The following TBC1D22A variants were observed in gnomAD, a reference collection of about 807,000 sequenced individuals.
The protein encoded by TBC1D22A is putative GTPase activator.
A neutral mutation model predicts 60.2 loss-of-function variants in TBC1D22A; 38 were observed. That is an observed-to-expected ratio of 0.63 (90% CI 0.49 to 0.83). The LOEUF is 0.83. TBC1D22A is among the 40% of genes least tolerant of loss of function. TBC1D22A has a pLI of 0.00. For synonymous variants in TBC1D22A, 302 were observed against 281.7 expected (o/e 1.07, Z -0.72); for missense variants, 628 against 701.0 (o/e 0.90, Z 1.18).
chr22:47,044,854 C>T (rs1447784513), intron 11 of TBC1D22A, among the ~76,000 whole-genome samples: 1 of 152,220 alleles, frequency 6.6e-6, no homozygotes, highest in Non-Finnish European at 1.5e-5. Context: ...TTTAAGCTTG[C>T]TTTCTTCATG....
At chr22:46,916,586 C>T (rs1038951028) in intron 8 of TBC1D22A, among the ~76,000 whole-genome samples, 1 of 152,234 alleles carries the variant, frequency 6.6e-6, no homozygotes, top group African/African-American at 2.4e-5. Flanking sequence ...GACACAAACC[C>T]ACTTGCACAC....
chr22:47,136,573 GAGGCTGT>G (rs571879242), intron 12 of TBC1D22A, among the ~76,000 whole-genome samples: 47,252 of 152,072 alleles, frequency 0.31, 7,770 homozygotes, highest in East Asian at 0.6. Flanking sequence ...ACCAGGAGGT[GAGGCTGT>G]GGACCCAGTT....
intron 11 of TBC1D22A, among the ~76,000 whole-genome samples, chr22:47,062,862 G>A (rs1259758565): frequency 6.6e-6 from 1 of 152,130 alleles, no homozygotes; most frequent in African/African-American, 2.4e-5. Context: ...GCCATTCCAA[G>A]CAGAGGAAGA....
intron 4 of TBC1D22A, among the ~76,000 whole-genome samples, chr22:46,803,403 C>T (rs778121222): frequency 3.8e-4 from 58 of 152,266 alleles, no homozygotes; most frequent in African/African-American, 1.1e-3. Flanking sequence ...GGAAGGGCGG[C>T]GGTTTTCTCT....
At chr22:46,772,114 T>C (rs1427236175) in intron 1 of TBC1D22A, among the ~76,000 whole-genome samples, 5 of 102,882 alleles carry the variant, frequency 4.9e-5, no homozygotes, top group African/African-American at 1.2e-4. Flanking sequence ...CATATATATG[T>C]ATACACACAT....
intron 11 of TBC1D22A, among the ~76,000 whole-genome samples, chr22:47,095,621 C>CT (rs1292100914): frequency 9.4e-5 from 11 of 117,252 alleles, no homozygotes; most frequent in African/African-American, 3.9e-4. Flanking sequence ...TCAGGATTTC[C>CT]CCGTCTCCCA....
intron 8 of TBC1D22A, among the ~76,000 whole-genome samples, chr22:46,933,330 G>A (rs544465043): frequency 1.3e-5 from 2 of 152,180 alleles, no homozygotes; most frequent in East Asian, 3.9e-4. Flanking sequence ...CCTCAGGTGG[G>A]CCTTCCCATT....
intron 4 of TBC1D22A, among the ~76,000 whole-genome samples, chr22:46,799,719 T>C (rs1365423158): frequency 1.3e-5 from 2 of 152,216 alleles, no homozygotes; most frequent in Non-Finnish European, 2.9e-5. Context: ...GCCAGTGATT[T>C]TGTGGGATGT....
intron 11 of TBC1D22A, among the ~76,000 whole-genome samples, chr22:47,048,768 G>A (rs9615124): frequency 0.08 from 12,217 of 151,790 alleles, 1,017 homozygotes; most frequent in African/African-American, 0.21. Context: ...GCCCAGCTCT[G>A]GGGGGAGGTG....
chr22:46,817,600 G>T lies in TBC1D22A; in HGVS notation c.637+19980G>T, dbSNP rs978002091. Among the ~76,000 whole-genome samples, 14 of 152,138 alleles carry T rather than the reference G, an allele frequency of 9.2e-5. No individual in the cohort carries two copies. In the South Asian group the frequency reaches 2.3e-3, roughly 25 times the overall value. On this transcript the variant is annotated intron_variant, in intron 4 of 12. Coordinates refer to ENST00000337137, the MANE Select transcript of TBC1D22A (RefSeq NM_014346.5). ...GGACATGATCTCATTCCTTTTTATG[G>T]CTGCATAGTATTCCATGGTGTATAT...
chr22:46,997,777 C>G, intron 10 of TBC1D22A, 68 bp downstream of exon 10: 1 of 1,470,792 alleles, frequency 6.8e-7, no homozygotes, highest in Non-Finnish European at 9.5e-7. Flanking sequence ...CTCGGTGGGA[C>G]AGGGAGCTGT....
At chr22:46,794,728 C>T (rs73477342) in intron 3 of TBC1D22A, among the ~76,000 whole-genome samples, 2,589 of 152,192 alleles carry the variant, frequency 0.017, 79 homozygotes, top group African/African-American at 0.06. Context: ...GGTGGGAACG[C>T]GGTGGCCCTG....
At chr22:46,918,017 G>A (rs1397658952) in intron 8 of TBC1D22A, among the ~76,000 whole-genome samples, 1 of 152,158 alleles carries the variant, frequency 6.6e-6, no homozygotes, top group Non-Finnish European at 1.5e-5. Flanking sequence ...AGCTGCAGGC[G>A]GCCTTGGTGC....
At chr22:46,897,650 G>GTTTTTTTTTTTTT (rs1569189591) in intron 7 of TBC1D22A, among the ~76,000 whole-genome samples, 2 of 92,618 alleles carry the variant, frequency 2.2e-5, no homozygotes, top group African/African-American at 9.4e-5. Context: ...GTTTTTTTTT[G>GTTTTTTTTTTTTT]TGTTTTTTTT....
chr22:47,041,485 G>C (rs1310480489), intron 11 of TBC1D22A, among the ~76,000 whole-genome samples: 1 of 152,230 alleles, frequency 6.6e-6, no homozygotes, highest in East Asian at 1.9e-4. Flanking sequence ...GAGAATCTGT[G>C]GCCAGGACAC....
intron 11 of TBC1D22A, among the ~76,000 whole-genome samples, chr22:47,072,321 A>G (rs1045657727): frequency 1.1e-4 from 17 of 152,092 alleles, no homozygotes; most frequent in Non-Finnish European, 2.4e-4. Flanking sequence ...CTTTGGGGCC[A>G]CTCTGCCTCA....
chr22:47,089,184 A>G lies in TBC1D22A; in HGVS notation c.1330-22324A>G, dbSNP rs182873213. 6.6e-5 allele frequency among the ~76,000 whole-genome samples: 10 copies of G among 152,338 alleles called. No homozygotes were observed. In the East Asian group the frequency reaches 1.7e-3, roughly 26 times the overall value. On this transcript the variant is annotated intron_variant, in intron 11 of 12. Coordinates refer to ENST00000337137, the MANE Select transcript of TBC1D22A (RefSeq NM_014346.5). ...GAACAAAGTGACAGCAGAAAGACAC[A>G]TGATTGGGAGGCATGCAGGATCACA...
intron 1 of TBC1D22A, among the ~76,000 whole-genome samples, chr22:46,766,113 T>G (rs1392157988): frequency 6.6e-6 from 1 of 152,066 alleles, no homozygotes; most frequent in Non-Finnish European, 1.5e-5. Flanking sequence ...TTTTCCTGCC[T>G]CAGCCTCCCG....
intron 10 of TBC1D22A, among the ~76,000 whole-genome samples, chr22:47,035,384 G>A (rs1291409195): frequency 6.6e-6 from 1 of 152,196 alleles, no homozygotes; most frequent in African/African-American, 2.4e-5. Flanking sequence ...GGGCAAGGCT[G>A]TCCAGCCTCC....
Sources: allele counts gnomAD v4.1 joint callset (sites outside exome capture counted in the v4.1 genomes callset), GRCh38; gene constraint gnomAD v4.1.1; transcripts MANE v1.5; gene names NCBI Gene and HGNC (gene_info 2026-07-23, HGNC 2026-07-21).